The following CFHR5 variants were observed in gnomAD, a reference collection of about 807,000 sequenced individuals.
The protein encoded by CFHR5 is complement factor H related 5.
Under a neutral mutation model 62.9 loss-of-function variants are expected in CFHR5, and 73 were observed. The observed-to-expected ratio is 1.16, with a 90% CI of 0.96 to 1.41. The LOEUF is 1.41. CFHR5 is among the 40% of genes most tolerant of loss of function. CFHR5 has a pLI of 0.00. For synonymous variants in CFHR5, 249 were observed against 227.2 expected (o/e 1.10, Z -0.86); for missense variants, 779 against 679.9 (o/e 1.15, Z -1.62).
intron 4 of CFHR5, 91 bp from the exon 5 acceptor site, chr1:196,995,626 C>T (rs1653967957): frequency 6.5e-6 from 7 of 1,080,120 alleles, no homozygotes; most frequent in Admixed American, 3.5e-5. Flanking sequence ...AATATAAAGG[C>T]AATTAATTTC....
Position 196,984,084 on chromosome 1 carries a change from A to G in CFHR5, c.377A>G (p.Asn126Ser). The change falls in exon 3 of 10, where the codon AAC becomes AGC. Residue 126 changes from asparagine (N) to serine (S), a missense_variant. Coordinates refer to ENST00000256785, the MANE Select transcript of CFHR5 (RefSeq NM_030787.4). ...TGYSLQNNEK[N>S]ISCVERGWST... ...TACAGCCTTCAAAACAATGAGAAAA[A>G]CATTTCGTGTGTAGAACGGGGCTGG... 1 of 1,613,844 alleles carries G rather than the reference A, an allele frequency of 6.2e-7. No homozygotes were observed. The highest frequency in any genetic ancestry group is 8.5e-7 in the Non-Finnish European group (1 of 1,179,830).
At chr1:196,999,868 G>A (rs890792788) in intron 7 of CFHR5, among the ~76,000 whole-genome samples, 1 of 149,198 alleles carries the variant, frequency 6.7e-6, no homozygotes, top group Non-Finnish European at 1.5e-5. Flanking sequence ...AAGCTAGGGG[G>A]AAAATGAATT....
intron 3 of CFHR5, among the ~76,000 whole-genome samples, chr1:196,991,053 T>G (rs1348066496): frequency 6.6e-6 from 1 of 152,086 alleles, no homozygotes; most frequent in Non-Finnish European, 1.5e-5. Flanking sequence ...CTCGGAGGCT[T>G]TGTTCATTTC....
upstream of CFHR5, among the ~76,000 whole-genome samples, chr1:196,976,206 G>T (rs1244853592): frequency 6.6e-6 from 1 of 152,138 alleles, no homozygotes; most frequent in African/African-American, 2.4e-5. Context: ...ACATAGCTAT[G>T]TGCATTCCCA....
intron 7 of CFHR5, among the ~76,000 whole-genome samples, chr1:196,999,724 CACACACACACATAT>C (rs1429992857): frequency 1.3e-4 from 8 of 62,072 alleles, no homozygotes; most frequent in Non-Finnish European, 2.3e-4. Context: ...TATATATATA[CACACACACACATAT>C]ATATACACAC....
intron 6 of CFHR5, among the ~76,000 whole-genome samples, chr1:196,996,950 C>G (rs904011024): frequency 6.6e-6 from 1 of 152,020 alleles, no homozygotes; most frequent in African/African-American, 2.4e-5. Flanking sequence ...GGACTTCCAG[C>G]CTTGACACTT....
rs781440136 is a variant in CFHR5 at position 196,995,705 on chromosome 1, T to G, written c.608-12T>G. ...GACCATTTAAGCATTATTTATGGTT[T>G]CTTTATAATAGGACAAGTACGATCA... On this transcript the variant is annotated splice_polypyrimidine_tract_variant and intron_variant, in intron 4 of 9. Coordinates refer to ENST00000256785, the MANE Select transcript of CFHR5 (RefSeq NM_030787.4). 1 of 1,608,492 alleles carries G rather than the reference T, an allele frequency of 6.2e-7. No individual in the cohort carries two copies. The highest frequency in any genetic ancestry group is 8.5e-7 in the Non-Finnish European group (1 of 1,175,064).
chr1:196,987,471 C>T (rs1171285518), intron 3 of CFHR5, among the ~76,000 whole-genome samples: 1 of 152,146 alleles, frequency 6.6e-6, no homozygotes, highest in East Asian at 1.9e-4. Context: ...CCTAGGTTTT[C>T]TTCTAGGGTT....
At chr1:196,991,692 C>T (rs1388683666) in intron 3 of CFHR5, among the ~76,000 whole-genome samples, 1 of 152,202 alleles carries the variant, frequency 6.6e-6, no homozygotes. Context: ...GTATCACCAG[C>T]AGAGGCTGCA....
intron 3 of CFHR5, among the ~76,000 whole-genome samples, chr1:196,988,002 C>T (rs144779856): frequency 0.012 from 1,847 of 152,262 alleles, 29 homozygotes; most frequent in Middle Eastern, 0.061. Context: ...TCTCCATGAG[C>T]ATGGAAAGTT....
intron 1 of CFHR5, among the ~76,000 whole-genome samples, chr1:196,980,590 ACGTGTGTG>A (rs1467068804): frequency 8.3e-6 from 1 of 120,134 alleles, no homozygotes; most frequent in Non-Finnish European, 1.7e-5. Flanking sequence ...CTGTATATAT[ACGTGTGTG>A]TGTGTGTGTG....
chr1:197,002,723 T>C, intron 8 of CFHR5, 59 bp downstream of exon 8: 1 of 1,381,946 alleles, frequency 7.2e-7, no homozygotes, highest in Non-Finnish European at 1.0e-6. Flanking sequence ...CCCCTTTGCT[T>C]TATCTAAAGA....
At chr1:197,006,940 G>T (rs554012373) in intron 9 of CFHR5, among the ~76,000 whole-genome samples, 1 of 151,162 alleles carries the variant, frequency 6.6e-6, no homozygotes, top group Non-Finnish European at 1.5e-5. Context: ...GGGTTCAAGC[G>T]ATTCTCCTGC....
chr1:196,995,803 G>A lies in CFHR5; in HGVS notation c.694G>A (p.Val232Ile). The A allele has an allele frequency of 1.2e-6, 2 of 1,612,208 alleles. No homozygotes were observed. The highest frequency in any genetic ancestry group is 1.1e-5 in the South Asian group (1 of 91,052). Residue 232 changes from valine to isoleucine, a missense_variant, in exon 5 of 10, where the codon GTA becomes ATA. Physicochemically the swap from Val to Ile is conservative, Grantham distance 29. Coordinates refer to ENST00000256785, the MANE Select transcript of CFHR5 (RefSeq NM_030787.4). Reference sequence around the variant, plus strand: ...AAAAGAGGAATATGGACACAATGAAGTAGTGGAATATGATTGCAATCCTAA... The same window carrying A: ...AAAAGAGGAATATGGACACAATGAAATAGTGGAATATGATTGCAATCCTAA... ...IRKEEYGHNE[V>I]VEYDCNPNFI...
chr1:196,988,043 G>A (rs1250975736), intron 3 of CFHR5, among the ~76,000 whole-genome samples: 7 of 151,824 alleles, frequency 4.6e-5, no homozygotes, highest in African/African-American at 7.3e-5. Flanking sequence ...CTTTTATTTC[G>A]CTGAGCAGTG....
intron 9 of CFHR5, among the ~76,000 whole-genome samples, chr1:197,008,248 ACACT>A (rs941495117): frequency 2.0e-5 from 3 of 151,444 alleles, no homozygotes; most frequent in Non-Finnish European, 4.4e-5. Flanking sequence ...CTGGCTCAAA[ACACT>A]CACTAAACTG....
intron 4 of CFHR5, 32 bp from the exon 5 acceptor site, chr1:196,995,685 T>C: frequency 6.3e-7 from 1 of 1,578,164 alleles, no homozygotes; most frequent in Non-Finnish European, 8.7e-7. Flanking sequence ...TATAAGACCA[T>C]TTAAGCATTA....
intron 1 of CFHR5, among the ~76,000 whole-genome samples, chr1:196,979,108 G>A (rs1653469979): frequency 6.6e-6 from 1 of 152,058 alleles, no homozygotes; most frequent in African/African-American, 2.4e-5. Flanking sequence ...CATGAATCAA[G>A]CAATATATTG....
intron 3 of CFHR5, among the ~76,000 whole-genome samples, chr1:196,985,286 A>T (rs1325502967): frequency 6.6e-6 from 1 of 152,180 alleles, no homozygotes; most frequent in Non-Finnish European, 1.5e-5. Flanking sequence ...AGCTTCAGTG[A>T]GTTATGACTG....
Sources: gnomAD v4.1 joint callset for allele counts (sites outside exome capture counted in the v4.1 genomes callset) on GRCh38, gnomAD v4.1.1 for gene constraint, MANE v1.5 for transcripts, NCBI Gene and HGNC (gene_info 2026-07-23, HGNC 2026-07-21) for gene names.